Variants in FBXO33 observed in about 807,000 individuals in gnomAD.
The protein encoded by FBXO33 is F-box only protein 33.
In FBXO33, 22 loss-of-function variants were observed where a neutral mutation model predicts 46.3. The ratio of observed to expected loss-of-function variants is 0.48; its 90% CI spans 0.34 to 0.68. FBXO33 has a LOEUF of 0.68. Ranked by LOEUF, FBXO33 falls within the 30% of genes least tolerant of loss-of-function variation. The probability of loss-of-function intolerance (pLI) is 0.01; values close to 1 mark genes in which losing one functional copy is unlikely to be tolerated. For synonymous variants in FBXO33, 337 were observed against 291.3 expected, an observed-to-expected ratio of 1.16 and a Z score of -1.60; for missense variants, 692 against 708.8, an observed-to-expected ratio of 0.98 and a Z score of 0.27.
chr14:39,418,626 T>C (rs1567077014), intron 1 of FBXO33, among the ~76,000 whole-genome samples: 2 of 150,646 alleles, frequency 1.3e-5, no homozygotes, highest in Admixed American at 6.6e-5. Context: ...ATACAAAAAA[T>C]TAGCCAGGCG....
At chr14:39,402,009 A>G (rs2075370927) in intron 2 of FBXO33, 148 bp from the exon 3 acceptor site, 1 of 634,104 alleles carries the variant, frequency 1.6e-6, no homozygotes, top group African/African-American at 1.8e-5. Flanking sequence ...CACAGTAAAT[A>G]CCATTAAAAT....
chr14:39,427,895 C>G (rs2075523704), intron 1 of FBXO33, among the ~76,000 whole-genome samples: 1 of 152,114 alleles, frequency 6.6e-6, no homozygotes, highest in African/African-American at 2.4e-5. Flanking sequence ...CTGCAGTGAG[C>G]TATGATCATG....
At chr14:39,402,538 T>TG in intron 1 of FBXO33, 27 bp from the exon 2 acceptor site, 1 of 1,203,914 alleles carries the variant, frequency 8.3e-7, no homozygotes, top group Non-Finnish European at 1.1e-6. Flanking sequence ...TTAAAATGAT[T>TG]TGCTAAATAA....
intron 1 of FBXO33, among the ~76,000 whole-genome samples, chr14:39,427,564 T>G (rs758230748): frequency 7.2e-5 from 11 of 152,184 alleles, no homozygotes; most frequent in Non-Finnish European, 1.5e-4. Context: ...CTAAAAACTG[T>G]TGGAGATAAT....
chr14:39,426,732 T>C (rs2075517119), intron 1 of FBXO33, among the ~76,000 whole-genome samples: 1 of 152,232 alleles, frequency 6.6e-6, no homozygotes, highest in African/African-American at 2.4e-5. Flanking sequence ...TGGAATGCTA[T>C]TTGCTCAGAT....
At chr14:39,400,994 G>A (rs749776024) in intron 3 of FBXO33, among the ~76,000 whole-genome samples, 182 bp downstream of exon 3, 3 of 152,166 alleles carry the variant, frequency 2.0e-5, no homozygotes, top group Non-Finnish European at 2.9e-5. Context: ...GAACACTTGG[G>A]TTTGAATATG....
chr14:39,422,802 T>G (rs1464204271), intron 1 of FBXO33, among the ~76,000 whole-genome samples: 1 of 152,202 alleles, frequency 6.6e-6, no homozygotes, highest in Non-Finnish European at 1.5e-5. Context: ...AATTGGAATT[T>G]TTTAAAATTA....
At chr14:39,405,415 T>C (rs1009636085) in intron 1 of FBXO33, among the ~76,000 whole-genome samples, 2 of 151,914 alleles carry the variant, frequency 1.3e-5, no homozygotes, top group Non-Finnish European at 2.9e-5. Context: ...AACTCCTAAA[T>C]TTTCTGGGTT....
chr14:39,417,364 G>A (rs527497373), intron 1 of FBXO33, among the ~76,000 whole-genome samples: 11 of 152,326 alleles, frequency 7.2e-5, no homozygotes, highest in South Asian at 2.1e-4. Context: ...AGAAGTCATG[G>A]GTGATTCTCT....
intron 1 of FBXO33, among the ~76,000 whole-genome samples, chr14:39,408,582 G>A (rs558043175): frequency 1.3e-5 from 2 of 151,630 alleles, no homozygotes; most frequent in Admixed American, 1.3e-4. Flanking sequence ...GCACCATCTC[G>A]GCTCACTGCA....
chr14:39,403,033 G>A (rs1356499809), intron 1 of FBXO33, among the ~76,000 whole-genome samples: 1 of 152,104 alleles, frequency 6.6e-6, no homozygotes, highest in East Asian at 1.9e-4. Flanking sequence ...TTCTTCATCA[G>A]TAATAACAAT....
chr14:39,412,874 A>G (rs1286217387), intron 1 of FBXO33, among the ~76,000 whole-genome samples: 1 of 152,276 alleles, frequency 6.6e-6, no homozygotes, highest in East Asian at 1.9e-4. Flanking sequence ...CTTAGGTAAA[A>G]AACACTTTAT....
At chr14:39,404,584 C>T (rs1346214179) in intron 1 of FBXO33, among the ~76,000 whole-genome samples, 4 of 152,010 alleles carry the variant, frequency 2.6e-5, no homozygotes, top group African/African-American at 7.2e-5. Context: ...CCTTGGCCTC[C>T]CAAAGTGCTG....
At position 39,399,687 on chromosome 14, in the gene FBXO33, T is replaced by G. The variant is rs748040490; in HGVS notation, c.1497A>C (p.Gln499His). The G allele has an allele frequency of 2.5e-6, 4 of 1,613,978 alleles. No individual in the cohort carries two copies. The highest frequency in any genetic ancestry group is 2.2e-5 in the South Asian group (2 of 91,054). Residue 499 changes from glutamine to histidine, a missense_variant, in exon 4 of 4, where the codon CAA becomes CAC. Around this residue, in one of 3 missense-constraint regions of FBXO33, gnomAD observed 94 missense variants for 91.9 expected, o/e 1.02. Transcript: ENST00000298097. ...CTACATCCTGGTCGGCCAGTTCACCTTGGTCAAAATCAATGCTTTCTTCGG... is the reference window on the plus strand; with the variant it reads ...CTACATCCTGGTCGGCCAGTTCACCGTGGTCAAAATCAATGCTTTCTTCGG... Reference protein sequence around the residue: ...EVTEESIDFDQGELADQDVDP... With the variant: ...EVTEESIDFDHGELADQDVDP...
At chr14:39,410,406 T>TTTAATGTGCTGTCAAA (rs1455705574) in intron 1 of FBXO33, among the ~76,000 whole-genome samples, 1 of 152,226 alleles carries the variant, frequency 6.6e-6, no homozygotes, top group East Asian at 1.9e-4. Flanking sequence ...ATACGATCCT[T>TTTAATGTGCTGTCAAA]TTAATGTGCT....
In FBXO33 at chr14:39,399,575, A is replaced by C; in HGVS notation, c.1609T>G (p.Phe537Val). The change falls in exon 4 of 4, where the codon TTC becomes GTC. Residue 537 changes from phenylalanine (F) to valine (V), a missense_variant. Coordinates refer to ENST00000298097, the MANE Select transcript of FBXO33 (RefSeq NM_203301.4). The part of the protein sequence containing the change: ...AVMDIESLSV[F>V]TEPNRHFYRE... ...TAAAAATGACGATTTGGTTCAGTGA[A>C]GACACTGAGTGATTCGATGTCCATG... is the stretch of plus-strand genomic sequence containing the variant. 1 of 1,613,312 alleles carries C rather than the reference A, an allele frequency of 6.2e-7. No individual in the cohort carries two copies. Among genetic ancestry groups the C allele is most frequent in the East Asian group, 2.2e-5 (1 of 44,884 alleles).
rs542626701 is a variant in FBXO33 at position 39,403,308 on chromosome 14, T to C, written c.600-797A>G. On this transcript the variant is annotated intron_variant, in intron 1 of 3. Coordinates refer to ENST00000298097, the MANE Select transcript of FBXO33 (RefSeq NM_203301.4). ...TATGAACAACAGAAGTAGAAAACTA[T>C]GTAAGGCCAGGTGCGGTGGCTCACA... 2.6e-4 allele frequency among the ~76,000 whole-genome samples: 39 copies of C among 152,330 alleles called. 1 individual carries two copies. Among genetic ancestry groups the C allele is most frequent in the Admixed American group, 9.8e-4 (15 of 15,298 alleles).
At chr14:39,418,800 AC>A (rs1213714644) in intron 1 of FBXO33, among the ~76,000 whole-genome samples, 5 of 148,298 alleles carry the variant, frequency 3.4e-5, no homozygotes, top group South Asian at 4.2e-4. Flanking sequence ...CAAAAAAAAA[AC>A]AAACTGCATC....
chr14:39,409,296 T>C (rs2075412380), intron 1 of FBXO33, among the ~76,000 whole-genome samples: 3 of 152,162 alleles, frequency 2.0e-5, no homozygotes, highest in Non-Finnish European at 2.9e-5. Flanking sequence ...TTTCCTTCTT[T>C]TGCCTGTGGA....
Sources: gnomAD v4.1 joint callset for allele counts (sites outside exome capture counted in the v4.1 genomes callset) on GRCh38, gnomAD v4.1.1 for gene constraint, gnomAD v4.1.1 regional missense constraint, MANE v1.5 for transcripts, NCBI Gene and HGNC (gene_info 2026-07-23, HGNC 2026-07-21) for gene names.